Variants in CAAP1 observed in about 807,000 individuals in gnomAD.
The protein encoded by CAAP1 is conserved anti-apoptotic protein.
CAAP1 carries 20 observed loss-of-function variants against 34.0 expected under a neutral mutation model. The ratio of observed to expected loss-of-function variants is 0.59; its 90% CI spans 0.41 to 0.86. The LOEUF (loss-of-function observed/expected upper bound fraction) is 0.86. Ranked by LOEUF, CAAP1 falls within the 40% of genes least tolerant of loss-of-function variation. The pLI, the probability that CAAP1 is intolerant of heterozygous loss-of-function variation, is 0.00. For missense variants in CAAP1, 538 were observed against 450.5 expected, an observed-to-expected ratio of 1.19 and a Z score of -1.76; for synonymous variants, 213 against 166.7, an observed-to-expected ratio of 1.28 and a Z score of -2.14.
At chr9:26,880,235 A>T (rs1823557381) in intron 4 of CAAP1, 1 of 413,374 alleles carries the variant, frequency 2.4e-6, no homozygotes, top group Non-Finnish European at 4.8e-6. Context: ...TGGTGTCTTC[A>T]AAAAGGACAA....
At chr9:26,848,433 G>A (rs1454463144) in intron 5 of CAAP1, among the ~76,000 whole-genome samples, 9 of 152,100 alleles carry the variant, frequency 5.9e-5, no homozygotes, top group Non-Finnish European at 1.2e-4. Context: ...GGAGAATGGC[G>A]TGAACCCGGG....
At chr9:26,843,454 T>TTCTTGTGTTTTC (rs1483209154) in intron 5 of CAAP1, among the ~76,000 whole-genome samples, 3 of 152,154 alleles carry the variant, frequency 2.0e-5, no homozygotes, top group African/African-American at 7.2e-5. Flanking sequence ...GAATATGTTT[T>TTCTTGTGTTTTC]TTGTGTGTTT....
In CAAP1 at chr9:26,842,514, T is replaced by C. The variant is rs1302611233; in HGVS notation, c.873A>G (p.Ile291Met). The C allele has an allele frequency of 1.9e-6, 3 of 1,614,230 alleles. No individual in the cohort carries two copies. The highest frequency in any genetic ancestry group is 1.7e-5 in the Admixed American group (1 of 60,032). ...TCTCAATGTCTTTCTCCAGGTCATCTATCTGACCAGCTTCACTTTGGACTG... is the reference window on the plus strand; with the variant it reads ...TCTCAATGTCTTTCTCCAGGTCATCCATCTGACCAGCTTCACTTTGGACTG... Reference protein sequence around the residue: ...ENTVQSEAGQIDDLEKDIEKS... With the variant: ...ENTVQSEAGQMDDLEKDIEKS... Residue 291 changes from isoleucine to methionine, a missense_variant, in exon 6 of 6, where the codon ATA (isoleucine) becomes ATG (methionine). This residue lies in a region of CAAP1 where 514 missense variants were observed against 408.4 expected (regional missense o/e 1.26). Transcript: ENST00000333916.
Position 26,887,373 on chromosome 9 carries a change from C to T in CAAP1, c.444G>A (p.Gln148=). The T allele has an allele frequency of 6.2e-7, 1 of 1,611,652 alleles. No homozygotes were observed. Among genetic ancestry groups the T allele is most frequent in the Non-Finnish European group, 8.5e-7 (1 of 1,178,718 alleles). The change falls in exon 2 of 6, where the codon CAG becomes CAA. Residue 148 remains glutamine, a synonymous_variant. Transcript: ENST00000333916. ...TCTCTCCTATAATACAGAAGCACTG[C>T]TGAAGCATTTCTTTTTTGTCTGATA... ...FYISDKKEML[Q]QCFCIIGEKK... is the part of the protein sequence containing the mutation.
intron 4 of CAAP1, among the ~76,000 whole-genome samples, chr9:26,876,046 GGTT>G (rs1823420800): frequency 6.6e-6 from 1 of 152,148 alleles, no homozygotes; most frequent in Non-Finnish European, 1.5e-5. Flanking sequence ...CAGTTCTGAA[GGTT>G]GTTAAGTCCA....
chr9:26,850,559 G>C (rs1423592632), intron 5 of CAAP1, among the ~76,000 whole-genome samples: 4 of 152,216 alleles, frequency 2.6e-5, no homozygotes, highest in Non-Finnish European at 5.9e-5. Flanking sequence ...ATGAGTTACT[G>C]ACTGATTCTA....
Position 26,850,234 on chromosome 9 carries a change from A to T in CAAP1, c.740-7587T>A, listed in dbSNP as rs141602772. ...TGTTATATTTCTTGCTACTGACTAGACTTTATTTGAAGGAGTAGAAATAAT... is the reference window on the plus strand; with the variant it reads ...TGTTATATTTCTTGCTACTGACTAGTCTTTATTTGAAGGAGTAGAAATAAT... On this transcript the variant is annotated intron_variant, in intron 5 of 5. Coordinates refer to ENST00000333916, the MANE Select transcript of CAAP1 (RefSeq NM_024828.4). Among the ~76,000 whole-genome samples the T allele has an allele frequency of 2.9e-3, 445 of 152,304 alleles. 2 individuals carry two copies. Among genetic ancestry groups the T allele is most frequent in the Non-Finnish European group, 3.1e-3 (209 of 68,020 alleles).
intron 4 of CAAP1, among the ~76,000 whole-genome samples, chr9:26,877,810 T>G (rs894041473): frequency 5.3e-5 from 8 of 151,950 alleles, no homozygotes; most frequent in African/African-American, 1.9e-4. Context: ...GTCAGAAAAA[T>G]TTTCCTGTAT....
intron 4 of CAAP1, among the ~76,000 whole-genome samples, chr9:26,874,559 C>A (rs115411590): frequency 0.022 from 3,308 of 152,238 alleles, 113 homozygotes; most frequent in African/African-American, 0.075. Flanking sequence ...CTGGTAACCA[C>A]CTTTCTATTA....
chr9:26,878,439 T>C (rs1351491049), intron 4 of CAAP1, among the ~76,000 whole-genome samples: 1 of 152,202 alleles, frequency 6.6e-6, no homozygotes, highest in African/African-American at 2.4e-5. Flanking sequence ...AGATCCACAA[T>C]GAAGAAGTAA....
rs1822981006 is a variant in CAAP1, at chr9:26,860,583, G to C, written c.739+483C>G. On this transcript the variant is annotated intron_variant, in intron 5 of 5. Transcript: ENST00000333916. ...CGAGGCGGGTGGATCACAAGGTCAG[G>C]AGATCTAGACCATCCTGGCTAACAC... Among the ~76,000 whole-genome samples, 3 of 152,222 alleles carry C rather than the reference G, an allele frequency of 2.0e-5. No individual in the cohort carries two copies. The South Asian group carries it at 6.2e-4, about 32-fold the overall frequency.
chr9:26,856,218 C>A (rs139695636), intron 5 of CAAP1, among the ~76,000 whole-genome samples: 1 of 151,860 alleles, frequency 6.6e-6, no homozygotes, highest in Non-Finnish European at 1.5e-5. Context: ...TTCTCACATG[C>A]GACAGTTAAT....
At chr9:26,846,642 AG>A (rs1442745958) in intron 5 of CAAP1, among the ~76,000 whole-genome samples, 3 of 151,922 alleles carry the variant, frequency 2.0e-5, no homozygotes, top group Non-Finnish European at 4.4e-5. Context: ...TTCTTGTAAA[AG>A]GTTGAAGAAA....
chr9:26,880,093 C>T (rs866963511), intron 4 of CAAP1: 26 of 71,196 alleles, frequency 3.7e-4, no homozygotes, highest in Non-Finnish European at 5.3e-4. Context: ...GGAAAAAAAT[C>T]CGGGGGGGGG....
intron 4 of CAAP1, among the ~76,000 whole-genome samples, chr9:26,867,887 T>C (rs1823175614): frequency 1.3e-5 from 2 of 152,186 alleles, no homozygotes; most frequent in African/African-American, 4.8e-5. Flanking sequence ...AAAGAATCCA[T>C]AGGCTTCACT....
At chr9:26,881,557 T>C (rs1823593706) in intron 4 of CAAP1, among the ~76,000 whole-genome samples, 1 of 152,248 alleles carries the variant, frequency 6.6e-6, no homozygotes, top group South Asian at 2.1e-4. Flanking sequence ...GAAGCGCCTT[T>C]TGCCTTCCAC....
chr9:26,869,486 T>C (rs1268309184), intron 4 of CAAP1, among the ~76,000 whole-genome samples: 1 of 152,204 alleles, frequency 6.6e-6, no homozygotes, highest in African/African-American at 2.4e-5. Flanking sequence ...AGTTTTGGCT[T>C]AGTTAAAATG....
chr9:26,847,932 T>C (rs989765316), intron 5 of CAAP1, among the ~76,000 whole-genome samples: 5 of 152,182 alleles, frequency 3.3e-5, no homozygotes, highest in Non-Finnish European at 5.9e-5. Context: ...GGGAAGTAGA[T>C]ACGTATGTTC....
At position 26,867,008 on chromosome 9, in the gene CAAP1, G is replaced by C. The variant is rs114927107; in HGVS notation, c.666-5869C>G. Among the ~76,000 whole-genome samples, 517 of 152,176 alleles carry C rather than the reference G, an allele frequency of 3.4e-3. 3 individuals are homozygous for C. Among genetic ancestry groups the C allele is most frequent in the African/African-American group, 0.012 (497 of 41,504 alleles). ...GGTGGGCAAGCAAGCATTACGGCCT[G>C]AGCTCCACCCCACATTAGATTCTCA... On this transcript the variant is annotated intron_variant, in intron 4 of 5. Transcript: ENST00000333916.
Sources: allele counts gnomAD v4.1 joint callset (sites outside exome capture counted in the v4.1 genomes callset), GRCh38; gene constraint gnomAD v4.1.1; regional missense constraint gnomAD v4.1.1; transcripts MANE v1.5; gene names NCBI Gene and HGNC (gene_info 2026-07-23, HGNC 2026-07-21).